The following ROBO2 variants were observed in gnomAD, a reference collection of about 807,000 sequenced individuals.
ROBO2 encodes the protein roundabout homolog 2.
ROBO2 carries 53 observed loss-of-function variants against 160.8 expected under a neutral mutation model. That is an observed-to-expected ratio of 0.33 (90% CI 0.26 to 0.41). The LOEUF is 0.41. ROBO2 is among the 10% of genes least tolerant of loss of function. The pLI, the probability that ROBO2 is intolerant of heterozygous loss-of-function variation, is 1.00. For synonymous variants in ROBO2, 664 were observed against 611.7 expected, an observed-to-expected ratio of 1.09 and a Z score of -1.26; for missense variants, 1,577 against 1,722.4, an observed-to-expected ratio of 0.92 and a Z score of 1.49.
intron 1 of ROBO2, among the ~76,000 whole-genome samples, chr3:77,095,702 T>C (rs1023654713): frequency 1.3e-5 from 2 of 152,198 alleles, no homozygotes; most frequent in African/African-American, 2.4e-5. Context: ...GACCTTTACA[T>C]TGAGAATATG....
At chr3:75,956,206 T>A (rs1948718795) in intron 2 of ROBO2, among the ~76,000 whole-genome samples, 1 of 151,798 alleles carries the variant, frequency 6.6e-6, no homozygotes, top group Non-Finnish European at 1.5e-5. Context: ...TGTCTTGAAA[T>A]GATGCCTGAT....
At chr3:76,398,588 T>G (rs1444220960) in intron 2 of ROBO2, among the ~76,000 whole-genome samples, 1 of 151,864 alleles carries the variant, frequency 6.6e-6, no homozygotes. Flanking sequence ...CTCTTCCATT[T>G]TCACACACTG....
At chr3:77,042,244 C>T (rs955960532) in intron 1 of ROBO2, among the ~76,000 whole-genome samples, 1 of 152,162 alleles carries the variant, frequency 6.6e-6, no homozygotes, top group African/African-American at 2.4e-5. Flanking sequence ...GTGAATTATA[C>T]TATGGCAACA....
chr3:76,654,094 C>T (rs2091378089), intron 2 of ROBO2, among the ~76,000 whole-genome samples: 1 of 152,150 alleles, frequency 6.6e-6, no homozygotes, highest in Non-Finnish European at 1.5e-5. Context: ...GTAATCTAAG[C>T]ACTCTGTCAT....
intron 2 of ROBO2, among the ~76,000 whole-genome samples, chr3:76,917,909 T>G (rs1400994189): frequency 6.6e-6 from 1 of 152,208 alleles, no homozygotes; most frequent in Non-Finnish European, 1.5e-5. Flanking sequence ...ATACAACTTA[T>G]GTTTTCTAGA....
chr3:77,278,409 A>T (rs912663228), intron 2 of ROBO2, among the ~76,000 whole-genome samples: 1 of 152,162 alleles, frequency 6.6e-6, no homozygotes, highest in Admixed American at 6.5e-5. Flanking sequence ...TCCTGGACTG[A>T]GGTACAGTGT....
At chr3:76,504,055 C>CT (rs965920993) in intron 2 of ROBO2, among the ~76,000 whole-genome samples, 2 of 152,040 alleles carry the variant, frequency 1.3e-5, no homozygotes, top group Admixed American at 6.6e-5. Flanking sequence ...CAGAATAGTC[C>CT]TTTTTTTATA....
At chr3:76,957,464 C>T (rs943507806) in intron 2 of ROBO2, among the ~76,000 whole-genome samples, 60 of 152,092 alleles carry the variant, frequency 3.9e-4, no homozygotes, top group African/African-American at 1.2e-3. Flanking sequence ...ACTTCACAAA[C>T]ATTCAATAGT....
At chr3:77,250,424 T>G (rs2090201369) in intron 2 of ROBO2, among the ~76,000 whole-genome samples, 1 of 152,124 alleles carries the variant, frequency 6.6e-6, no homozygotes, top group South Asian at 2.1e-4. Flanking sequence ...CCCTTCCCCT[T>G]TAATATCCAG....
intron 2 of ROBO2, among the ~76,000 whole-genome samples, chr3:77,402,002 C>T (rs1052097122): frequency 6.6e-6 from 1 of 152,144 alleles, no homozygotes; most frequent in Non-Finnish European, 1.5e-5. Flanking sequence ...CAGCACTATT[C>T]ACAATAGTAA....
chr3:77,362,206 T>C (rs1279842819), intron 2 of ROBO2, among the ~76,000 whole-genome samples: 2 of 152,138 alleles, frequency 1.3e-5, no homozygotes, highest in Non-Finnish European at 2.9e-5. Context: ...CTGACTTTAG[T>C]CAGGTCTATT....
Position 76,617,924 on chromosome 3 carries a change from C to T in ROBO2, c.110-480090C>T, listed in dbSNP as rs143550894. ...CCATCACCCCATGATTCAATTACCT[C>T]CCACTGGGTAACTCCCACAACATGT... On this transcript the variant is annotated intron_variant, in intron 2 of 26. Coordinates refer to the ROBO2 transcript ENST00000487694. Among the ~76,000 whole-genome samples the T allele has an allele frequency of 3.4e-3, 508 of 151,620 alleles. 18 individuals are homozygous for T. Among genetic ancestry groups the T allele is most frequent in the African/African-American group, 0.012 (481 of 41,112 alleles).
intron 2 of ROBO2, among the ~76,000 whole-genome samples, chr3:76,342,844 A>G (rs2074311760): frequency 6.6e-6 from 1 of 152,140 alleles, no homozygotes; most frequent in African/African-American, 2.4e-5. Context: ...CACTGTTTAT[A>G]GGGAAAAAAA....
chr3:76,555,418 A>AAGAAGAAGAAGAAGAAGAAGAAGAAG (rs879848225), intron 2 of ROBO2, among the ~76,000 whole-genome samples: 1 of 80,098 alleles, frequency 1.2e-5, no homozygotes, highest in East Asian at 4.8e-4. Context: ...GAAGAAGAAG[A>AAGAAGAAGAAGAAGAAGAAGAAGAAG]AAGAAGGAGA....
At chr3:75,952,729 A>G (rs979040724) in intron 2 of ROBO2, among the ~76,000 whole-genome samples, 1 of 151,990 alleles carries the variant, frequency 6.6e-6, no homozygotes, top group Admixed American at 6.6e-5. Context: ...AATAATCCTC[A>G]CTACAGTGTC....
chr3:76,164,871 G>T (rs1575723621), intron 2 of ROBO2, among the ~76,000 whole-genome samples: 1 of 3,628 alleles, frequency 2.8e-4, no homozygotes, highest in Non-Finnish European at 1.8e-3. Flanking sequence ...GGACTGCCCC[G>T]CAGGACACTG....
At chr3:77,439,039 A>G (rs1027229449) in intron 2 of ROBO2, among the ~76,000 whole-genome samples, 4 of 152,034 alleles carry the variant, frequency 2.6e-5, no homozygotes, top group African/African-American at 9.7e-5. Context: ...ATGGGGGAGA[A>G]CAAAAATTGC....
chr3:76,213,100 C>G (rs542790672), intron 2 of ROBO2, among the ~76,000 whole-genome samples: 1 of 152,182 alleles, frequency 6.6e-6, no homozygotes, highest in African/African-American at 2.4e-5. Flanking sequence ...CTTTAATTCA[C>G]TGTACAGAGG....
intron 2 of ROBO2, among the ~76,000 whole-genome samples, chr3:77,140,920 A>G (rs1335127593): frequency 5.9e-5 from 9 of 152,180 alleles, no homozygotes. Context: ...TTACCTCCTC[A>G]CTTCTCACTT....
Sources: allele counts gnomAD v4.1 joint callset (sites outside exome capture counted in the v4.1 genomes callset), GRCh38; gene constraint gnomAD v4.1.1; transcripts MANE v1.5; gene names NCBI Gene and HGNC (gene_info 2026-07-23, HGNC 2026-07-21).